GAB1: variants seen among roughly 807,000 people sequenced by gnomAD.
The protein encoded by GAB1 is GRB2 associated binding protein 1.
Under a neutral mutation model 66.5 loss-of-function variants are expected in GAB1, and 19 were observed. That is an observed-to-expected ratio of 0.29 (90% confidence interval 0.20 to 0.42). The LOEUF (loss-of-function observed/expected upper bound fraction) is 0.42. Ranked by LOEUF, GAB1 falls within the 10% of genes least tolerant of loss-of-function variation. The probability of loss-of-function intolerance (pLI) is 1.00; values close to 1 mark genes in which losing one functional copy is unlikely to be tolerated. For synonymous variants in GAB1, 294 were observed against 301.4 expected (o/e 0.98, Z 0.25); for missense variants, 732 against 858.5 (o/e 0.85, Z 1.84).
In GAB1 at chr4:143,438,289, G is replaced by A. The variant is rs900334411; in HGVS notation, c.884G>A (p.Ser295Asn). The change falls in exon 4 of 10, where the codon AGT becomes AAT. Residue 295 changes from serine (S) to asparagine (N), a missense_variant. By Grantham distance (46) the Ser-to-Asn change is conservative. Transcript: ENST00000262994. ...YVFNTPSGTS[S>N]VETQMRHVSI... ...TTTAATACCCCATCTGGGACATCGA[G>A]TGTAGAGACTCAAATGAGGCATGTA... 2 of 1,614,012 alleles carry A rather than the reference G, an allele frequency of 1.2e-6. No individual in the cohort carries two copies. Among genetic ancestry groups the A allele is most frequent in the East Asian group, 2.2e-5 (1 of 44,890 alleles).
chr4:143,360,637 G>A (rs1398809632), intron 1 of GAB1, among the ~76,000 whole-genome samples: 1 of 152,154 alleles, frequency 6.6e-6, no homozygotes, highest in Non-Finnish European at 1.5e-5. Context: ...GCTAAAAAAA[G>A]TTGTCTCGTG....
chr4:143,460,437 A>G lies in GAB1; in HGVS notation c.1753A>G (p.Ser585Gly). ...STTSSSDSHD[S>G]EENYVPMNPN... The stretch of plus-strand genomic sequence containing the variant: ...AACTTCAAGCAGTGACTCACACGAC[A>G]GTGAAGAGAATTATGTTCCCATGAA... Residue 585 changes from serine to glycine, a missense_variant, in exon 8 of 10, where the codon AGT becomes GGT. By Grantham distance (56) the Ser-to-Gly change is moderately conservative. Transcript: ENST00000262994. The G allele has an allele frequency of 6.2e-7, 1 of 1,613,764 alleles. No individual in the cohort carries two copies. The highest frequency in any genetic ancestry group is 8.5e-7 in the Non-Finnish European group (1 of 1,179,722).
rs772580179 is a variant in GAB1 at position 143,415,526 on chromosome 4, A to G, written c.122A>G (p.Asp41Gly). The G allele has an allele frequency of 2.0e-5, 33 of 1,613,368 alleles. No homozygotes were observed. ...TTACGCAGTGGCCGTTTAACTGGAG[A>G]TCCAGATGTTTTGGAATATTACAAA... ...FVLRSGRLTG[D>G]PDVLEYYKND... is the part of the protein sequence containing the mutation. The change falls in exon 2 of 10, where the codon GAT becomes GGT. Residue 41 changes from aspartate to glycine, a missense_variant. Coordinates refer to ENST00000262994, the MANE Select transcript of GAB1 (RefSeq NM_002039.4).
At chr4:143,392,930 A>G (rs1052860203) in intron 1 of GAB1, among the ~76,000 whole-genome samples, 1 of 152,126 alleles carries the variant, frequency 6.6e-6, no homozygotes, top group Admixed American at 6.5e-5. Flanking sequence ...TTTACTTTCT[A>G]TTAGTGATAG....
chr4:143,469,167 C>T lies in GAB1; in HGVS notation c.2063C>T (p.Thr688Met), dbSNP rs757720830. Residue 688 changes from threonine (T) to methionine (M), a missense_variant, in exon 10 of 10, where the codon ACG (threonine) becomes ATG (methionine). Physicochemically the swap from Thr to Met is moderately conservative, Grantham distance 81. Coordinates refer to ENST00000262994, the MANE Select transcript of GAB1 (RefSeq NM_002039.4). ...TDGRQSTESE[T>M]PAKSVK Reference sequence around the variant, plus strand: ...GGGAGACAGTCCACAGAATCAGAAACGCCAGCGAAGAGTGTGAAATGAAAA... The same window carrying T: ...GGGAGACAGTCCACAGAATCAGAAATGCCAGCGAAGAGTGTGAAATGAAAA... 19 of 1,614,004 alleles carry T rather than the reference C, an allele frequency of 1.2e-5. No individual in the cohort carries two copies. Among genetic ancestry groups the T allele is most frequent in the Non-Finnish European group, 1.4e-5 (16 of 1,180,000 alleles).
At chr4:143,464,080 T>C (rs897191739) in intron 8 of GAB1, among the ~76,000 whole-genome samples, 1 of 152,214 alleles carries the variant, frequency 6.6e-6, no homozygotes. Context: ...GCTGATTTTA[T>C]GTGACAATGA....
chr4:143,339,083 C>A (rs1027539318), intron 1 of GAB1, among the ~76,000 whole-genome samples: 5 of 152,212 alleles, frequency 3.3e-5, no homozygotes, highest in Non-Finnish European at 7.3e-5. Flanking sequence ...ATAATTTGAT[C>A]ATTACAACTG....
chr4:143,373,464 A>G (rs890006509), intron 1 of GAB1, among the ~76,000 whole-genome samples: 1 of 152,188 alleles, frequency 6.6e-6, no homozygotes, highest in Non-Finnish European at 1.5e-5. Context: ...ATTTTATCCA[A>G]ACATTTTGAA....
intron 6 of GAB1, among the ~76,000 whole-genome samples, chr4:143,444,448 A>G (rs563076655): frequency 2.0e-5 from 3 of 152,056 alleles, no homozygotes; most frequent in Admixed American, 1.3e-4. Context: ...TTAGATCCTT[A>G]ATATTGTGTG....
chr4:143,374,702 C>T (rs527965559), intron 1 of GAB1, among the ~76,000 whole-genome samples: 1 of 152,284 alleles, frequency 6.6e-6, no homozygotes, highest in Admixed American at 6.5e-5. Context: ...AGTCTTGGCT[C>T]TCATGAACAC....
At position 143,371,631 on chromosome 4, in the gene GAB1, A is replaced by G. The variant is rs548701033; in HGVS notation, c.72+34371A>G. On this transcript the variant is annotated intron_variant, in intron 1 of 9. Transcript: ENST00000262994. ...AGTCTTGAAGTCCTTGCCCATGCCTATGTTCTGAATGGTATTGCGTAGGTT... is the reference window on the plus strand; with the variant it reads ...AGTCTTGAAGTCCTTGCCCATGCCTGTGTTCTGAATGGTATTGCGTAGGTT... Among the ~76,000 whole-genome samples, 278 of 152,242 alleles carry G rather than the reference A, an allele frequency of 1.8e-3. 2 individuals are homozygous for G. The highest frequency in any genetic ancestry group is 6.6e-3 in the African/African-American group (275 of 41,542).
intron 1 of GAB1, among the ~76,000 whole-genome samples, chr4:143,341,292 A>G (rs1728816671): frequency 6.6e-6 from 1 of 152,248 alleles, no homozygotes; most frequent in Non-Finnish European, 1.5e-5. Context: ...GTATGCACTC[A>G]ACAATGGTGC....
chr4:143,359,689 G>A (rs1729591060), intron 1 of GAB1, among the ~76,000 whole-genome samples: 1 of 152,210 alleles, frequency 6.6e-6, no homozygotes, highest in African/African-American at 2.4e-5. Context: ...AATCAGGCCA[G>A]CCAAAGATTG....
rs756034123 is a variant in GAB1, at chr4:143,459,347, T to G, written c.1586-38T>G. 14 of 1,190,960 alleles carry G rather than the reference T, an allele frequency of 1.2e-5. No individual in the cohort carries two copies. The East Asian group carries it at 2.3e-4, about 20-fold the overall frequency. 73.8% of individuals were successfully genotyped at this position (1,190,960 alleles called of 1,614,324 possible). ...GAATCTTGTTTGTTTTCCAAAGTTC[T>G]GTATACTAAAAATCTCTTTTTCTCT... On this transcript the variant is annotated intron_variant, in intron 6 of 9. Transcript: ENST00000262994.
At chr4:143,439,386 T>C (rs1261581101) in intron 4 of GAB1, among the ~76,000 whole-genome samples, 1 of 152,240 alleles carries the variant, frequency 6.6e-6, no homozygotes, top group Non-Finnish European at 1.5e-5. Flanking sequence ...TGATTATTAC[T>C]TAAATCAGTA....
Position 143,470,251 on chromosome 4 carries a change from T to A in GAB1, c.*1062T>A, listed in dbSNP as rs1420309852. 2 of 152,246 alleles carry A rather than the reference T, an allele frequency of 1.3e-5. No individual in the cohort carries two copies. Among genetic ancestry groups the A allele is most frequent in the African/African-American group, 4.8e-5 (2 of 41,454 alleles). The allele number at this position is 152,246 out of a possible 1,614,324, so 9.4% of individuals were successfully genotyped here. A position where few individuals can be genotyped will look rare whatever the true frequency, so the allele number is the denominator to read the frequency against. On this transcript the variant is annotated 3_prime_UTR_variant, in exon 10 of 10. Transcript: ENST00000262994. Reference sequence around the variant, plus strand: ...TGATTTTTTTTACTTAATATTCTTCTTGGCCTTATATTTAATTCCCTATGC... The same window carrying A: ...TGATTTTTTTTACTTAATATTCTTCATGGCCTTATATTTAATTCCCTATGC...
intron 6 of GAB1, chr4:143,457,633 A>C (rs776070589): frequency 1.4e-6 from 1 of 698,948 alleles, no homozygotes; most frequent in South Asian, 2.6e-5. Flanking sequence ...CCATTTTCCA[A>C]TTAATAAATA....
intron 1 of GAB1, chr4:143,381,829 C>G (rs1033130915): frequency 6.6e-6 from 1 of 152,222 alleles, no homozygotes; most frequent in African/African-American, 2.4e-5. Flanking sequence ...GCCCCAGAGT[C>G]TTCCATCTCT....
intron 1 of GAB1, among the ~76,000 whole-genome samples, chr4:143,373,214 G>A (rs1050512468): frequency 6.6e-6 from 1 of 152,172 alleles, no homozygotes; most frequent in Non-Finnish European, 1.5e-5. Flanking sequence ...TGTCTGTGCA[G>A]TATTCTACAT....
Sources: allele counts gnomAD v4.1 joint callset (sites outside exome capture counted in the v4.1 genomes callset), GRCh38; gene constraint gnomAD v4.1.1; transcripts MANE v1.5; gene names NCBI Gene and HGNC (gene_info 2026-07-23, HGNC 2026-07-21).